Variants in PLEKHM3 observed in about 807,000 individuals in gnomAD.
PLEKHM3 encodes pleckstrin homology domain-containing family M member 3.
PLEKHM3 carries 45 observed loss-of-function variants against 81.8 expected under a neutral mutation model. That is an observed-to-expected ratio of 0.55 (90% confidence interval 0.43 to 0.71). The LOEUF (loss-of-function observed/expected upper bound fraction) is 0.71, where lower values mean the gene tolerates loss of function less well. PLEKHM3 is among the 30% of genes least tolerant of loss of function. PLEKHM3 has a pLI of 0.00. For synonymous variants in PLEKHM3, 352 were observed against 356.4 expected (o/e 0.99, Z 0.14); for missense variants, 788 against 924.3 (o/e 0.85, Z 1.91).
intron 5 of PLEKHM3, among the ~76,000 whole-genome samples, chr2:207,916,854 A>C (rs1176635679): frequency 1.3e-5 from 2 of 152,248 alleles, no homozygotes; most frequent in Non-Finnish European, 2.9e-5. Flanking sequence ...GAGTAAATAA[A>C]GAGCTATGTA....
rs759089173 is a variant in PLEKHM3 at position 207,826,509 on chromosome 2, C to T, written c.*1810G>A. The T allele has an allele frequency of 1.3e-5, 2 of 152,178 alleles. No homozygotes were observed. The highest frequency in any genetic ancestry group is 2.9e-5 in the Non-Finnish European group (2 of 68,044). 9.4% of individuals were successfully genotyped at this position (152,178 alleles called of 1,614,324 possible). The stretch of plus-strand genomic sequence containing the variant: ...AGTTTTCAAGCCTTGGTTGCGGCTA[C>T]TGTATAGTCAGAAAATAAATGCATG... On this transcript the variant is annotated 3_prime_UTR_variant, in exon 8 of 8. Transcript: ENST00000427836.
chr2:207,997,021 A>AT (rs397749715), intron 2 of PLEKHM3, among the ~76,000 whole-genome samples: 3 of 151,704 alleles, frequency 2.0e-5, no homozygotes, highest in African/African-American at 7.3e-5. Flanking sequence ...AAAAAAAAAA[A>AT]TTACAATGCG....
chr2:207,883,115 T>G (rs902703893), intron 6 of PLEKHM3, among the ~76,000 whole-genome samples: 12 of 152,204 alleles, frequency 7.9e-5, no homozygotes, highest in Non-Finnish European at 1.6e-4. Context: ...AAGGCTTTGG[T>G]ACCATGTGCT....
chr2:208,020,701 C>T (rs967178996), intron 1 of PLEKHM3, among the ~76,000 whole-genome samples: 7 of 152,094 alleles, frequency 4.6e-5, no homozygotes, highest in East Asian at 1.9e-4. Flanking sequence ...GAAAGGAGAA[C>T]GCAAGAAGAA....
At chr2:207,968,866 T>C (rs1691016522) in intron 3 of PLEKHM3, among the ~76,000 whole-genome samples, 1 of 152,214 alleles carries the variant, frequency 6.6e-6, no homozygotes, top group Non-Finnish European at 1.5e-5. Flanking sequence ...AACAATACGC[T>C]AAACATTTCT....
chr2:207,878,956 T>C (rs929031402), intron 6 of PLEKHM3, among the ~76,000 whole-genome samples: 1 of 152,182 alleles, frequency 6.6e-6, no homozygotes, highest in African/African-American at 2.4e-5. Flanking sequence ...ACAGCCTCTT[T>C]TTCCTCACTT....
chr2:207,915,495 G>C (rs189171926), intron 5 of PLEKHM3, among the ~76,000 whole-genome samples: 1 of 152,088 alleles, frequency 6.6e-6, no homozygotes, highest in African/African-American at 2.4e-5. Context: ...CTCTAAAGTA[G>C]GCAGACCCTT....
chr2:207,917,952 T>C (rs1410730586), intron 5 of PLEKHM3, among the ~76,000 whole-genome samples: 4 of 152,200 alleles, frequency 2.6e-5, no homozygotes, highest in Non-Finnish European at 5.9e-5. Flanking sequence ...AGATAATCCT[T>C]CTACCTAATA....
chr2:207,873,020 C>T (rs1161268149), intron 6 of PLEKHM3, among the ~76,000 whole-genome samples: 1 of 151,960 alleles, frequency 6.6e-6, no homozygotes, highest in Non-Finnish European at 1.5e-5. Flanking sequence ...AGTAGCATTA[C>T]CTGATCATGT....
chr2:207,872,751 C>T (rs537923681), intron 6 of PLEKHM3, among the ~76,000 whole-genome samples: 23 of 152,232 alleles, frequency 1.5e-4, no homozygotes, highest in Middle Eastern at 6.8e-3. Flanking sequence ...CACTTGAACC[C>T]GGGAGGCGGA....
At chr2:207,874,618 A>ATCT (rs2092551706) in intron 6 of PLEKHM3, among the ~76,000 whole-genome samples, 1 of 150,652 alleles carries the variant, frequency 6.6e-6, no homozygotes, top group African/African-American at 2.4e-5. Flanking sequence ...TTGAGATGGA[A>ATCT]TCTTGCTCTG....
rs531663624 is a variant in PLEKHM3 at position 207,872,569 on chromosome 2, G to T, written c.1951-11307C>A. On this transcript the variant is annotated intron_variant, in intron 6 of 7. Transcript: ENST00000427836. ...TAAACCCGAGGCGGCCGGGCGCAGT[G>T]GCTCATGCCTGTAATCCCAGCACTT... Among the ~76,000 whole-genome samples, 22 of 152,320 alleles carry T rather than the reference G, an allele frequency of 1.4e-4. No homozygotes were observed. The South Asian group carries it at 4.6e-3, about 32-fold the overall frequency.
chr2:208,004,417 CAAA>C (rs11289003), intron 1 of PLEKHM3, among the ~76,000 whole-genome samples: 1 of 143,018 alleles, frequency 7.0e-6, no homozygotes, highest in Non-Finnish European at 1.5e-5. Flanking sequence ...TGCCCTGTCT[CAAA>C]AAAAAAAAAA....
intron 5 of PLEKHM3, chr2:207,929,982 T>C (rs1486830999): frequency 1.5e-6 from 1 of 683,956 alleles, no homozygotes; most frequent in Non-Finnish European, 2.7e-6. Flanking sequence ...TAGAGACTTA[T>C]GAACGCCATC....
intron 5 of PLEKHM3, among the ~76,000 whole-genome samples, chr2:207,918,383 G>A (rs577406007): frequency 6.6e-6 from 1 of 152,076 alleles, no homozygotes; most frequent in Non-Finnish European, 1.5e-5. Flanking sequence ...TTAGCTGGAC[G>A]TGGTGGTGGG....
At chr2:208,019,818 G>A (rs1015751461) in intron 1 of PLEKHM3, 2 of 152,224 alleles carry the variant, frequency 1.3e-5, no homozygotes, top group African/African-American at 4.8e-5. Flanking sequence ...CATGGACTGT[G>A]CCTGTCTTGT....
intron 2 of PLEKHM3, among the ~76,000 whole-genome samples, chr2:207,999,500 A>G (rs13011597): frequency 0.45 from 68,983 of 151,976 alleles, 18,949 homozygotes; most frequent in Non-Finnish European, 0.6. Flanking sequence ...CAGCTACTTG[A>G]GAGGCTGATG....
rs573789920 is a variant in PLEKHM3 at position 207,871,083 on chromosome 2, C to T, written c.1951-9821G>A. 3.3e-5 allele frequency among the ~76,000 whole-genome samples: 5 copies of T among 152,294 alleles called. No homozygotes were observed. The East Asian group carries it at 9.6e-4, about 29-fold the overall frequency. On this transcript the variant is annotated intron_variant, in intron 6 of 7. Coordinates refer to ENST00000427836, the MANE Select transcript of PLEKHM3 (RefSeq NM_001080475.3). ...CGAGCTATGATTGGGCCACTGTGCT[C>T]TAGCCTGGGTGACAGGGCGAGACCC... is the stretch of plus-strand genomic sequence containing the variant.
chr2:207,970,285 C>T (rs1381998321), intron 3 of PLEKHM3, among the ~76,000 whole-genome samples: 2 of 100,994 alleles, frequency 2.0e-5, no homozygotes, highest in East Asian at 3.9e-4. Context: ...AAAAATGAAA[C>T]TCTCTCTCTC....
Sources: allele counts gnomAD v4.1 joint callset (sites outside exome capture counted in the v4.1 genomes callset), GRCh38; gene constraint gnomAD v4.1.1; transcripts MANE v1.5; gene names NCBI Gene and HGNC (gene_info 2026-07-23, HGNC 2026-07-21).